KCNC1: variants seen among roughly 807,000 people sequenced by gnomAD.
The protein encoded by KCNC1 is potassium voltage-gated channel subfamily C member 1.
Under a neutral mutation model 43.4 loss-of-function variants are expected in KCNC1, and 8 were observed. The ratio of observed to expected loss-of-function variants is 0.18; its 90% CI spans 0.11 to 0.33. KCNC1 has a LOEUF of 0.33. Ranked by LOEUF, KCNC1 falls within the 10% of genes least tolerant of loss-of-function variation. The pLI is 1.00. For synonymous variants in KCNC1, 361 were observed against 360.5 expected (o/e 1.00, Z -0.01); for missense variants, 420 against 836.0 (o/e 0.50, Z 6.14).
At position 17,779,343 on chromosome 11, in the gene KCNC1, C is replaced by T. The variant is rs1338551970; in HGVS notation, c.1505-113C>T. The T allele has an allele frequency of 9.1e-6, 8 of 880,158 alleles. No individual in the cohort carries two copies. The highest frequency in any genetic ancestry group is 8.1e-5 in the South Asian group (4 of 49,218). The allele number at this position is 880,158 out of a possible 1,614,324, so 54.5% of individuals were successfully genotyped here. A position where few individuals can be genotyped will look rare whatever the true frequency, so the allele number is the denominator to read the frequency against. On this transcript the variant is annotated intron_variant, in intron 2 of 3. Transcript: ENST00000265969. This position sits in a 1 kb window ranked among gnomAD's most constrained non-coding sequence, Gnocchi z 7.2. ...CTCCACAGCCTGCCCGCTTTTCCGTCCTCAGGGACGCTCAAGCTGCCCTCT... is the reference window on the plus strand; with the variant it reads ...CTCCACAGCCTGCCCGCTTTTCCGTTCTCAGGGACGCTCAAGCTGCCCTCT...
Position 17,773,646 on chromosome 11 carries a change from T to C in KCNC1, c.1504+1048T>C, listed in dbSNP as rs1849256064. On this transcript the variant is annotated intron_variant, in intron 2 of 3. Transcript: ENST00000265969. This position sits in a 1 kb window ranked among gnomAD's most constrained non-coding sequence, Gnocchi z 4.1. The stretch of plus-strand genomic sequence containing the variant: ...TGGCTAGTGGTTTGTTATGGGACTA[T>C]CTCAGTTTTATGAGAACCTGCACAT... 1.0e-6 allele frequency: 1 copy of C among 985,384 alleles called. No homozygotes were observed. Among genetic ancestry groups the C allele is most frequent in the Non-Finnish European group, 1.2e-6 (1 of 829,922 alleles). The allele number at this position is 985,384 out of a possible 1,614,324, so 61.0% of individuals were successfully genotyped here. A position where few individuals can be genotyped will look rare whatever the true frequency, so the allele number is the denominator to read the frequency against.
rs932688790 is a variant in KCNC1, at chr11:17,736,711, C to G, written c.570+139C>G. The stretch of plus-strand genomic sequence containing the variant: ...GGGTGTGTGCGCATGTGTGCACGTA[C>G]CAGGGTAAGAGAGGAAGGGTGTCCG... On this transcript the variant is annotated intron_variant, in intron 1 of 3. Coordinates refer to ENST00000265969, the MANE Select transcript of KCNC1 (RefSeq NM_001112741.2). This position sits in a 1 kb window ranked among gnomAD's most constrained non-coding sequence, Gnocchi z 9.3. The G allele has an allele frequency of 1.4e-6, 2 of 1,381,692 alleles. No individual in the cohort carries two copies. The highest frequency in any genetic ancestry group is 1.9e-6 in the Non-Finnish European group (2 of 1,056,278). 85.6% of individuals were successfully genotyped at this position (1,381,692 alleles called of 1,614,324 possible).
chr11:17,740,270 T>C (rs781605800), intron 1 of KCNC1, among the ~76,000 whole-genome samples: 15 of 152,112 alleles, frequency 9.9e-5, no homozygotes, highest in Non-Finnish European at 2.2e-4. Flanking sequence ...CCACGTGTGT[T>C]CTGGGTTGGG....
chr11:17,735,792 C>A lies in KCNC1; in HGVS notation c.-211C>A. ...CTGGCTCCTAGAGACCCCTGGGATC[C>A]CGCGCACATTCCCCTGGACCGGCAC... On this transcript the variant is annotated 5_prime_UTR_variant, in exon 1 of 4. Coordinates refer to ENST00000265969, the MANE Select transcript of KCNC1 (RefSeq NM_001112741.2). This position sits in a 1 kb window ranked among gnomAD's most constrained non-coding sequence, Gnocchi z 6.7. 2.1e-6 allele frequency: 1 copy of A among 486,996 alleles called. No homozygotes were observed. Among genetic ancestry groups the A allele is most frequent in the Non-Finnish European group, 3.5e-6 (1 of 287,684 alleles). 30.2% of individuals were successfully genotyped at this position (486,996 alleles called of 1,614,324 possible).
At chr11:17,748,820 G>A (rs1440008942) in intron 1 of KCNC1, among the ~76,000 whole-genome samples, 1 of 152,136 alleles carries the variant, frequency 6.6e-6, no homozygotes, top group Admixed American at 6.5e-5. Flanking sequence ...GCGTGGAGGG[G>A]GCTCCTGCTT....
chr11:17,744,769 G>T (rs1452937205), intron 1 of KCNC1, among the ~76,000 whole-genome samples: 1 of 152,064 alleles, frequency 6.6e-6, no homozygotes, highest in Non-Finnish European at 1.5e-5. Context: ...AGGGGTGTTT[G>T]CGATGGCTGC....
At position 17,776,649 on chromosome 11, in the gene KCNC1, G is replaced by A. The variant is rs1238936785; in HGVS notation, c.1505-2807G>A. 3 of 985,314 alleles carry A rather than the reference G, an allele frequency of 3.0e-6. No homozygotes were observed. The South Asian group carries it at 1.4e-4, about 46-fold the overall frequency. The allele number at this position is 985,314 out of a possible 1,614,324, so 61.0% of individuals were successfully genotyped here. A position where few individuals can be genotyped will look rare whatever the true frequency, so the allele number is the denominator to read the frequency against. ...GGCCTGTGGGTCTAGTGGGGGCCTG[G>A]GGGCCCTGGGCTGGGGGAGGCAGGG... On this transcript the variant is annotated intron_variant, in intron 2 of 3. Transcript: ENST00000265969. This position sits in a 1 kb window ranked among gnomAD's most constrained non-coding sequence, Gnocchi z 4.4.
At position 17,771,691 on chromosome 11, in the gene KCNC1, C is replaced by T; in HGVS notation, c.597C>T (p.Phe199=). ...ATGTGGCCTTCGCTTCCCTCTTCTT[C>T]ATCCTGGTCTCCATCACCACCTTCT... ...ARYVAFASLF[F]ILVSITTFCL... is the part of the protein sequence containing the mutation. Residue 199 remains phenylalanine, a synonymous_variant, in exon 2 of 4, where the codon TTC becomes TTT. Transcript: ENST00000265969. The surrounding 1 kb of genome is among the most constrained non-coding windows in gnomAD (Gnocchi z 4.7). 6.2e-7 allele frequency: 1 copy of T among 1,610,242 alleles called. No homozygotes were observed. The highest frequency in any genetic ancestry group is 8.5e-7 in the Non-Finnish European group (1 of 1,176,626).
At position 17,777,531 on chromosome 11, in the gene KCNC1, G is replaced by T; in HGVS notation, c.1505-1925G>T. 1 of 985,960 alleles carries T rather than the reference G, an allele frequency of 1.0e-6. No individual in the cohort carries two copies. Among genetic ancestry groups the T allele is most frequent in the Non-Finnish European group, 1.2e-6 (1 of 830,014 alleles). The allele number at this position is 985,960 out of a possible 1,614,324, so 61.1% of individuals were successfully genotyped here. A position where few individuals can be genotyped will look rare whatever the true frequency, so the allele number is the denominator to read the frequency against. On this transcript the variant is annotated intron_variant, in intron 2 of 3. Coordinates refer to ENST00000265969, the MANE Select transcript of KCNC1 (RefSeq NM_001112741.2). This position sits in a 1 kb window ranked among gnomAD's most constrained non-coding sequence, Gnocchi z 4.3. Reference sequence around the variant, plus strand: ...GACCCTTGGATGGAAGACTGGGCCAGCCAGAGTGGGAGGCAGGACCAGCGT... The same window carrying T: ...GACCCTTGGATGGAAGACTGGGCCATCCAGAGTGGGAGGCAGGACCAGCGT...
rs902459125 is a variant in KCNC1, at chr11:17,782,022, G to A, written c.*288G>A. 29 of 384,320 alleles carry A rather than the reference G, an allele frequency of 7.5e-5. No individual in the cohort carries two copies. The highest frequency in any genetic ancestry group is 1.2e-4 in the Non-Finnish European group (25 of 216,612). The allele number at this position is 384,320 out of a possible 1,614,324, so 23.8% of individuals were successfully genotyped here. A position where few individuals can be genotyped will look rare whatever the true frequency, so the allele number is the denominator to read the frequency against. On this transcript the variant is annotated 3_prime_UTR_variant, in exon 4 of 4. Coordinates refer to ENST00000265969, the MANE Select transcript of KCNC1 (RefSeq NM_001112741.2). Reference sequence around the variant, plus strand: ...TGCATGAAGTTAAACAGAAAACCCAGCAAACCAAACCCACCAACCCCCTGC... The same window carrying A: ...TGCATGAAGTTAAACAGAAAACCCAACAAACCAAACCCACCAACCCCCTGC...
chr11:17,769,512 G>A (rs943554852), intron 1 of KCNC1, among the ~76,000 whole-genome samples: 3 of 151,920 alleles, frequency 2.0e-5, no homozygotes, highest in African/African-American at 7.3e-5. Context: ...GAAGGAGAAA[G>A]GAAAGGAGGA....
At position 17,734,876 on chromosome 11, in the gene KCNC1, G is replaced by T. The variant is rs1179931704; in HGVS notation, c.-1127G>T. 6.7e-6 allele frequency: 1 copy of T among 149,808 alleles called. No individual in the cohort carries two copies. Among genetic ancestry groups the T allele is most frequent in the Non-Finnish European group, 1.5e-5 (1 of 67,048 alleles). 9.3% of individuals were successfully genotyped at this position (149,808 alleles called of 1,614,324 possible). A position where few individuals can be genotyped will look rare whatever the true frequency, so the allele number is the denominator to read the frequency against. ...GCGGCGGCGGCAGCGGCCGCTCCGC[G>T]CCTCGCCTCACCGGCCTCGCTGGCC... On this transcript the variant is annotated 5_prime_UTR_variant, in exon 1 of 4. Transcript: ENST00000265969.
rs1305195100 is a variant in KCNC1, at chr11:17,773,861, T to G, written c.1504+1263T>G. The G allele has an allele frequency of 1.0e-6, 1 of 985,250 alleles. No homozygotes were observed. Among genetic ancestry groups the G allele is most frequent in the Non-Finnish European group, 1.2e-6 (1 of 829,930 alleles). The allele number at this position is 985,250 out of a possible 1,614,324, so 61.0% of individuals were successfully genotyped here. A position where few individuals can be genotyped will look rare whatever the true frequency, so the allele number is the denominator to read the frequency against. On this transcript the variant is annotated intron_variant, in intron 2 of 3. Transcript: ENST00000265969. This position sits in a 1 kb window ranked among gnomAD's most constrained non-coding sequence, Gnocchi z 4.1. ...CAGGAGGTTGACGTGACAGGTGGCA[T>G]TTAGTCTATGAAGGACCTCCCCATG...
rs371344625 is a variant in KCNC1 at position 17,771,688 on chromosome 11, C to G, written c.594C>G (p.Phe198Leu). Residue 198 changes from phenylalanine (F) to leucine (L), a missense_variant, in exon 2 of 4, where the codon TTC (phenylalanine) becomes TTG (leucine). Around this residue, in one of 5 missense-constraint regions of KCNC1, gnomAD observed 151 missense variants for 216.7 expected, o/e 0.70. Transcript: ENST00000265969. The surrounding 1 kb of genome is among the most constrained non-coding windows in gnomAD (Gnocchi z 4.7). ...YARYVAFASL[F>L]FILVSITTFC... Reference sequence around the variant, plus strand: ...AGTATGTGGCCTTCGCTTCCCTCTTCTTCATCCTGGTCTCCATCACCACCT... The same window carrying G: ...AGTATGTGGCCTTCGCTTCCCTCTTGTTCATCCTGGTCTCCATCACCACCT... 18 of 1,609,946 alleles carry G rather than the reference C, an allele frequency of 1.1e-5. No individual in the cohort carries two copies. Among genetic ancestry groups the G allele is most frequent in the Admixed American group, 1.7e-5 (1 of 59,942 alleles).
At chr11:17,759,599 A>T (rs1310618443) in intron 1 of KCNC1, among the ~76,000 whole-genome samples, 2 of 152,142 alleles carry the variant, frequency 1.3e-5, no homozygotes, top group African/African-American at 4.8e-5. Context: ...CCACCTAGAG[A>T]CCATTGTAGG....
At chr11:17,774,767 G>C (rs1320839072) in intron 2 of KCNC1, 1 of 985,412 alleles carries the variant, frequency 1.0e-6, no homozygotes, top group South Asian at 4.7e-5. Flanking sequence ...CTGGAGCTTG[G>C]ATGCCTGGAT....
chr11:17,762,547 G>T (rs1849090122), intron 1 of KCNC1, among the ~76,000 whole-genome samples: 1 of 152,322 alleles, frequency 6.6e-6, no homozygotes, highest in East Asian at 1.9e-4. Context: ...AAAAGCAGGC[G>T]GGTGTGACGT....
Position 17,777,860 on chromosome 11 carries a change from GTAC to G in KCNC1, c.1505-1595_1505-1593del, listed in dbSNP as rs1258119515. On this transcript the variant is annotated intron_variant, in intron 2 of 3. Transcript: ENST00000265969. The surrounding 1 kb of genome is among the most constrained non-coding windows in gnomAD (Gnocchi z 4.3). ...CTGCCTCTTTGTAGTGACATGATGT[GTAC>G]ACGGGCGGTAATCCCACCCACGTGC... is the stretch of plus-strand genomic sequence containing the variant. The G allele has an allele frequency of 3.0e-6, 3 of 986,226 alleles. No homozygotes were observed. Among genetic ancestry groups the G allele is most frequent in the Non-Finnish European group, 3.6e-6 (3 of 830,064 alleles). The allele number at this position is 986,226 out of a possible 1,614,324, so 61.1% of individuals were successfully genotyped here.
rs559792603 is a variant in KCNC1, at chr11:17,777,418, C to G, written c.1505-2038C>G. Reference sequence around the variant, plus strand: ...CCTTGAGGAAAATCCATGCAGGGTGCTATGGGCCTCAACCCCCACATCGTC... The same window carrying G: ...CCTTGAGGAAAATCCATGCAGGGTGGTATGGGCCTCAACCCCCACATCGTC... On this transcript the variant is annotated intron_variant, in intron 2 of 3. Coordinates refer to ENST00000265969, the MANE Select transcript of KCNC1 (RefSeq NM_001112741.2). This position sits in a 1 kb window ranked among gnomAD's most constrained non-coding sequence, Gnocchi z 4.3. 1.0e-6 allele frequency: 1 copy of G among 985,790 alleles called. No individual in the cohort carries two copies. The highest frequency in any genetic ancestry group is 1.7e-5 in the African/African-American group (1 of 57,224). 61.1% of individuals were successfully genotyped at this position (985,790 alleles called of 1,614,324 possible).
Sources: allele counts gnomAD v4.1 joint callset (sites outside exome capture counted in the v4.1 genomes callset), GRCh38; gene constraint gnomAD v4.1.1; regional missense constraint gnomAD v4.1.1; non-coding constraint Gnocchi (gnomAD v3.1); transcripts MANE v1.5; gene names NCBI Gene and HGNC (gene_info 2026-07-23, HGNC 2026-07-21).